CD81: variants seen among roughly 807,000 people sequenced by gnomAD.
CD81 encodes the protein CD81 antigen.
A neutral mutation model predicts 30.1 loss-of-function variants in CD81; 10 were observed. That is an observed-to-expected ratio of 0.33 (90% CI 0.21 to 0.56). The LOEUF (loss-of-function observed/expected upper bound fraction) is 0.56. Among genes scored for constraint, CD81 ranks in the 20% least tolerant of loss-of-function variants. The pLI is 0.89. For synonymous variants in CD81, 147 were observed against 126.4 expected, an observed-to-expected ratio of 1.16 and a Z score of -1.10; for missense variants, 263 against 308.7, an observed-to-expected ratio of 0.85 and a Z score of 1.11.
chr11:2,377,591 C>T lies in CD81; in HGVS notation c.42C>T (p.Leu14=). The T allele has an allele frequency of 6.5e-7, 1 of 1,542,372 alleles. No individual in the cohort carries two copies. The highest frequency in any genetic ancestry group is 1.2e-5 in the South Asian group (1 of 84,852). The part of the protein sequence containing the change: ...EGCTKCIKYL[L]FVFNFVFWLA... ...GCACCAAGTGCATCAAGTACCTGCTCTTCGTCTTCAATTTCGTCTTCTGGG... is the reference window on the plus strand; with the variant it reads ...GCACCAAGTGCATCAAGTACCTGCTTTTCGTCTTCAATTTCGTCTTCTGGG... The change falls in exon 1 of 8, where the codon CTC becomes CTT. Residue 14 remains leucine, a synonymous_variant. Transcript: ENST00000263645. This position sits in a 1 kb window ranked among gnomAD's most constrained non-coding sequence, Gnocchi z 7.7.
chr11:2,397,090 CT>C lies in CD81; in HGVS notation c.*226del, dbSNP rs1281500914. 1.0e-5 allele frequency: 6 copies of C among 589,726 alleles called. No homozygotes were observed. The highest frequency in any genetic ancestry group is 1.8e-5 in the Non-Finnish European group (6 of 328,054). The allele number at this position is 589,726 out of a possible 1,614,324, so 36.5% of individuals were successfully genotyped here. On this transcript the variant is annotated 3_prime_UTR_variant, in exon 8 of 8. Coordinates refer to ENST00000263645, the MANE Select transcript of CD81 (RefSeq NM_004356.4). Reference sequence around the variant, plus strand: ...TGTATGAGTGGAGACGGGCCTGGGTCTTGGGGACTGGAGGGCAGGGGTCCTT... The same window carrying C: ...TGTATGAGTGGAGACGGGCCTGGGTCTGGGGACTGGAGGGCAGGGGTCCTT...
At chr11:2,383,112 C>T (rs145105199) in intron 1 of CD81, among the ~76,000 whole-genome samples, 12 of 152,332 alleles carry the variant, frequency 7.9e-5, no homozygotes, top group African/African-American at 2.2e-4. Flanking sequence ...CCAGCATCCT[C>T]GCCTGACACC....
intron 2 of CD81, chr11:2,392,752 C>G (rs1271222645): frequency 3.3e-5 from 5 of 152,430 alleles, no homozygotes; most frequent in Admixed American, 2.0e-4. Context: ...TGGGCTCACT[C>G]CCCTCAGAGA....
intron 1 of CD81, among the ~76,000 whole-genome samples, chr11:2,381,671 G>GTGGGGC (rs1225778412): frequency 1.3e-5 from 2 of 152,378 alleles, no homozygotes; most frequent in South Asian, 2.1e-4. Context: ...TGAGGTTGGG[G>GTGGGGC]TGGGGCTGGG....
At position 2,386,887 on chromosome 11, in the gene CD81, C is replaced by T. The variant is rs547794769; in HGVS notation, c.67-3525C>T. On this transcript the variant is annotated intron_variant, in intron 1 of 7. Coordinates refer to ENST00000263645, the MANE Select transcript of CD81 (RefSeq NM_004356.4). ...GGCCCTGCAGGCCAGGACCAGCCTTCCCTGCAACCCTCGGCAGAGGCCTGG... is the reference window on the plus strand; with the variant it reads ...GGCCCTGCAGGCCAGGACCAGCCTTTCCTGCAACCCTCGGCAGAGGCCTGG... Among the ~76,000 whole-genome samples the T allele has an allele frequency of 3.3e-5, 5 of 152,360 alleles. No individual in the cohort carries two copies. In the South Asian group the frequency reaches 1.0e-3, roughly 32 times the overall value.
Position 2,395,238 on chromosome 11 carries a change from C to A in CD81, c.355-178C>A. 3 of 730,104 alleles carry A rather than the reference C, an allele frequency of 4.1e-6. No individual in the cohort carries two copies. The South Asian group carries it at 4.8e-5, about 12-fold the overall frequency. The allele number at this position is 730,104 out of a possible 1,614,324, so 45.2% of individuals were successfully genotyped here. ...TGGGGCTGAGCACCAGGCCAGCCTC[C>A]CGTGTCCCAGCACTCCCGGGGCAGC... On this transcript the variant is annotated intron_variant, in intron 4 of 7. Transcript: ENST00000263645.
chr11:2,394,252 C>A, intron 3 of CD81, 60 bp downstream of exon 3: 1 of 1,179,884 alleles, frequency 8.5e-7, no homozygotes, highest in Non-Finnish European at 1.2e-6. Context: ...TGCGTCTGGC[C>A]CTGAGGAGGG....
rs561677461 is a variant in CD81 at position 2,394,617 on chromosome 11, G to A, written c.280-355G>A. On this transcript the variant is annotated intron_variant, in intron 3 of 7. Transcript: ENST00000263645. ...CCCCTTCCGTGGGGAGCAGGAACAAGGGGGTGGGGAAGATCAGTCAGGGGT... is the reference window on the plus strand; with the variant it reads ...CCCCTTCCGTGGGGAGCAGGAACAAAGGGGTGGGGAAGATCAGTCAGGGGT... 1.3e-3 allele frequency among the ~76,000 whole-genome samples: 197 copies of A among 152,292 alleles called. 1 individual carries two copies. The highest frequency in any genetic ancestry group is 4.1e-3 in the African/African-American group (171 of 41,556).
rs34400531 is a variant in CD81, at chr11:2,390,423, C to T, written c.78C>T (p.Gly26=). 71 of 1,612,370 alleles carry T rather than the reference C, an allele frequency of 4.4e-5. 1 individual carries two copies. The South Asian group carries it at 6.6e-4, about 15-fold the overall frequency. The change falls in exon 2 of 8, where the codon GGC becomes GGT. Residue 26 remains glycine, a synonymous_variant. Coordinates refer to ENST00000263645, the MANE Select transcript of CD81 (RefSeq NM_004356.4). The stretch of plus-strand genomic sequence containing the variant: ...CCGCTCTTTCCCAGCTGGCTGGAGG[C>T]GTGATCCTGGGTGTGGCCCTGTGGC... ...VFNFVFWLAG[G]VILGVALWLR...
chr11:2,390,147 C>T, intron 1 of CD81: 1 of 587,816 alleles, frequency 1.7e-6, no homozygotes, highest in Non-Finnish European at 3.1e-6. Flanking sequence ...CGTCCCGTGT[C>T]TTCCTGGCAG....
chr11:2,390,943 G>T (rs532003416), intron 2 of CD81: 1 of 316,584 alleles, frequency 3.2e-6, no homozygotes, highest in Admixed American at 4.3e-5. Flanking sequence ...AGACGGGGCA[G>T]GGGAGGGGTG....
rs1450550798 is a variant in CD81 at position 2,378,390 on chromosome 11, G to T, written c.66+775G>T. 2.0e-5 allele frequency among the ~76,000 whole-genome samples: 3 copies of T among 152,178 alleles called. No homozygotes were observed. The highest frequency in any genetic ancestry group is 2.0e-4 in the Admixed American group (3 of 15,292). On this transcript the variant is annotated intron_variant, in intron 1 of 7. Coordinates refer to ENST00000263645, the MANE Select transcript of CD81 (RefSeq NM_004356.4). This position sits in a 1 kb window ranked among gnomAD's most constrained non-coding sequence, Gnocchi z 4.9. ...CGCGGTTCTGAGTTGGCACAAGGAA[G>T]AGAGTGGCACCAGGGGCCTGGAGTG...
intron 4 of CD81, 139 bp from the exon 5 acceptor site, chr11:2,395,277 T>A: frequency 1.3e-6 from 1 of 771,818 alleles, no homozygotes; most frequent in East Asian, 2.7e-5. Flanking sequence ...GAGTGCAGAG[T>A]CCTTGTCCTC....
At chr11:2,393,262 C>G (rs988482468) in intron 2 of CD81, 1 of 152,668 alleles carries the variant, frequency 6.6e-6, no homozygotes, top group Non-Finnish European at 1.5e-5. Flanking sequence ...TGACAGCTGT[C>G]CCGCGGGTAC....
At position 2,395,475 on chromosome 11, in the gene CD81, T is replaced by C. The variant is rs143644902; in HGVS notation, c.414T>C (p.Asp138=). ...DQALQQAVVD[D]DANNAKAVVK... ...CCCTACAGCAGGCCGTGGTGGATGATGACGCCAACAACGCCAAGGCTGTGG... is the reference window on the plus strand; with the variant it reads ...CCCTACAGCAGGCCGTGGTGGATGACGACGCCAACAACGCCAAGGCTGTGG... The change falls in exon 5 of 8, where the codon GAT becomes GAC. Residue 138 remains aspartate, a synonymous_variant. Coordinates refer to ENST00000263645, the MANE Select transcript of CD81 (RefSeq NM_004356.4). The C allele has an allele frequency of 2.7e-3, 4,399 of 1,612,744 alleles. 6 individuals carry two copies. Among genetic ancestry groups the C allele is most frequent in the Non-Finnish European group, 3.4e-3 (3,973 of 1,179,894 alleles).
rs1230212755 is a variant in CD81 at position 2,395,493 on chromosome 11, G to A, written c.432G>A (p.Lys144=). 1 of 1,612,724 alleles carries A rather than the reference G, an allele frequency of 6.2e-7. No homozygotes were observed. Among genetic ancestry groups the A allele is most frequent in the East Asian group, 2.2e-5 (1 of 44,886 alleles). ...AVVDDDANNA[K]AVVKTFHETL... Reference sequence around the variant, plus strand: ...TGGATGATGACGCCAACAACGCCAAGGCTGTGGTGAAGACCTTCCACGAGA... The same window carrying A: ...TGGATGATGACGCCAACAACGCCAAAGCTGTGGTGAAGACCTTCCACGAGA... Residue 144 remains lysine (K), a synonymous_variant, in exon 5 of 8, where the codon AAG becomes AAA. Coordinates refer to ENST00000263645, the MANE Select transcript of CD81 (RefSeq NM_004356.4).
At chr11:2,394,233 G>T (rs777557474) in intron 3 of CD81, 41 bp downstream of exon 3, 2 of 1,392,224 alleles carry the variant, frequency 1.4e-6, no homozygotes, top group South Asian at 1.2e-5. Flanking sequence ...CCGGGGAGGG[G>T]CTGGGGGCTG....
In CD81 at chr11:2,394,174, C is replaced by T. The variant is rs1849955294; in HGVS notation, c.261C>T (p.Ser87=). The T allele has an allele frequency of 6.2e-7, 1 of 1,611,920 alleles. No homozygotes were observed. Among genetic ancestry groups the T allele is most frequent in the Non-Finnish European group, 8.5e-7 (1 of 1,179,098 alleles). The part of the protein sequence containing the change: ...FLGCYGAIQE[S]QCLLGTFFTC... ...GCTGCTACGGGGCCATCCAGGAATC[C>T]CAGTGCCTGCTGGGGACGGTAAGGC... Residue 87 remains serine, a synonymous_variant, in exon 3 of 8, where the codon TCC becomes TCT. Coordinates refer to ENST00000263645, the MANE Select transcript of CD81 (RefSeq NM_004356.4).
At chr11:2,377,005 C>A (rs1162636961), upstream of CD81, 1 of 152,374 alleles carries the variant, frequency 6.6e-6, no homozygotes, top group Non-Finnish European at 1.5e-5. The surrounding 1 kb of genome is among the most constrained non-coding windows in gnomAD (Gnocchi z 7.7). Flanking sequence ...GGCACCGGGG[C>A]TGCACTCCTG....
Sources: allele counts gnomAD v4.1 joint callset (sites outside exome capture counted in the v4.1 genomes callset), GRCh38; gene constraint gnomAD v4.1.1; non-coding constraint Gnocchi (gnomAD v3.1); transcripts MANE v1.5; gene names NCBI Gene and HGNC (gene_info 2026-07-23, HGNC 2026-07-21).